The following SOBP variants were observed in gnomAD, a reference collection of about 807,000 sequenced individuals.
The protein encoded by SOBP is sine oculis binding protein homolog, also known as sine oculis-binding protein homolog.
A neutral mutation model predicts 53.6 loss-of-function variants in SOBP; 4 were observed. That is an observed-to-expected ratio of 0.07 (90% CI 0.04 to 0.17). The LOEUF is 0.17. SOBP is among the 10% of genes least tolerant of loss of function. SOBP has a pLI of 1.00. For missense variants in SOBP, 1,088 were observed against 1,204.7 expected (o/e 0.90, Z 1.43); for synonymous variants, 584 against 522.6 (o/e 1.12, Z -1.60).
At chr6:107,647,340 G>A (rs1181716520) in intron 6 of SOBP, among the ~76,000 whole-genome samples, 1 of 152,116 alleles carries the variant, frequency 6.6e-6, no homozygotes. Context: ...GCTGAGATAC[G>A]ACTGGCAGCC....
intron 3 of SOBP, among the ~76,000 whole-genome samples, chr6:107,531,734 TAAAG>T (rs1336922571): frequency 2.6e-5 from 4 of 152,248 alleles, no homozygotes; most frequent in Admixed American, 2.6e-4. Context: ...TTATACCATT[TAAAG>T]AAAGTTATCA....
In SOBP at chr6:107,634,280, C is replaced by T. The variant is rs754845955; in HGVS notation, c.1436C>T (p.Pro479Leu). 12 of 1,557,618 alleles carry T rather than the reference C, an allele frequency of 7.7e-6. No homozygotes were observed. The South Asian group carries it at 1.4e-4, about 18-fold the overall frequency. Residue 479 changes from proline to leucine, a missense_variant, in exon 6 of 7, where the codon CCG (proline) becomes CTG (leucine). By Grantham distance (98) the Pro-to-Leu change is moderately conservative. This residue lies in a region of SOBP where 665 missense variants were observed against 629.7 expected (regional missense o/e 1.06). Transcript: ENST00000317357. The surrounding 1 kb of genome is among the most constrained non-coding windows in gnomAD (Gnocchi z 4.5). ...AACCCCCCAGGCCTGCTGCCCCCGC[C>T]GCCTCCGGGCGCCCCGCTGCCGAGT... ...PGNPPGLLPPPPPGAPLPSLP... is the reference protein window; with the variant it reads ...PGNPPGLLPPLPPGAPLPSLP...
chr6:107,512,733 T>A (rs991907170), intron 3 of SOBP, among the ~76,000 whole-genome samples: 13 of 146,608 alleles, frequency 8.9e-5, no homozygotes, highest in Middle Eastern at 3.5e-3. Flanking sequence ...GCTCCCAAAA[T>A]TTTTTTTTTA....
In SOBP at chr6:107,490,580, C is replaced by T. The variant is rs1306796295; in HGVS notation, c.-37C>T. 1 of 1,517,406 alleles carries T rather than the reference C, an allele frequency of 6.6e-7. No individual in the cohort carries two copies. The highest frequency in any genetic ancestry group is 1.2e-5 in the South Asian group (1 of 85,230). 94.0% of individuals were successfully genotyped at this position (1,517,406 alleles called of 1,614,324 possible). ...CCACCACCACCGCCGGCGGCGGCAGCAGCCATTTCATCTCCACAGAAACCA... is the reference window on the plus strand; with the variant it reads ...CCACCACCACCGCCGGCGGCGGCAGTAGCCATTTCATCTCCACAGAAACCA... On this transcript the variant is annotated 5_prime_UTR_variant, in exon 1 of 7. Transcript: ENST00000317357.
At chr6:107,521,572 T>C (rs1344283927) in intron 3 of SOBP, among the ~76,000 whole-genome samples, 2 of 152,186 alleles carry the variant, frequency 1.3e-5, no homozygotes, top group African/African-American at 4.8e-5. Context: ...CCTAAGCCCA[T>C]CTAAGGAATC....
At chr6:107,497,890 A>G (rs111597047) in intron 1 of SOBP, among the ~76,000 whole-genome samples, 2 of 152,332 alleles carry the variant, frequency 1.3e-5, no homozygotes, top group African/African-American at 4.8e-5. Flanking sequence ...GTCAAAGGGT[A>G]TGTACAATTT....
At chr6:107,597,608 G>A (rs1307290674) in intron 5 of SOBP, among the ~76,000 whole-genome samples, 1 of 152,066 alleles carries the variant, frequency 6.6e-6, no homozygotes, top group East Asian at 1.9e-4. Context: ...CTAATTTAAT[G>A]TTTATATATG....
chr6:107,619,310 A>G lies in SOBP; in HGVS notation c.670-14204A>G, dbSNP rs140105938. Among the ~76,000 whole-genome samples the G allele has an allele frequency of 3.9e-5, 6 of 152,340 alleles. No individual in the cohort carries two copies. The East Asian group carries it at 7.7e-4, about 20-fold the overall frequency. Reference sequence around the variant, plus strand: ...GTAGCATTTTTCAAAGTGTTTTCCTATAGAAGCCTACTTTAAAAATAAAAG... The same window carrying G: ...GTAGCATTTTTCAAAGTGTTTTCCTGTAGAAGCCTACTTTAAAAATAAAAG... On this transcript the variant is annotated intron_variant, in intron 5 of 6. Transcript: ENST00000317357.
chr6:107,573,373 AAAAG>A (rs951079318), intron 4 of SOBP, among the ~76,000 whole-genome samples: 3 of 152,000 alleles, frequency 2.0e-5, no homozygotes, highest in Non-Finnish European at 4.4e-5. Context: ...TTTTCTCCAG[AAAAG>A]AAAGCAGATT....
chr6:107,628,090 G>A (rs1284419198), intron 5 of SOBP, among the ~76,000 whole-genome samples: 2 of 152,196 alleles, frequency 1.3e-5, no homozygotes, highest in Non-Finnish European at 2.9e-5. Flanking sequence ...AATACAATAT[G>A]CATGGCACAG....
intron 3 of SOBP, among the ~76,000 whole-genome samples, chr6:107,519,623 G>A (rs1245946887): frequency 6.6e-6 from 1 of 152,210 alleles, no homozygotes; most frequent in Non-Finnish European, 1.5e-5. Flanking sequence ...TTGCAAACCA[G>A]CAGTGTAGGG....
At chr6:107,542,350 A>G (rs1784173137) in intron 4 of SOBP, among the ~76,000 whole-genome samples, 1 of 152,158 alleles carries the variant, frequency 6.6e-6, no homozygotes, top group African/African-American at 2.4e-5. Context: ...TCAGGCAGGA[A>G]CAGTCTTGGC....
intron 4 of SOBP, among the ~76,000 whole-genome samples, chr6:107,570,603 G>A (rs180940294): frequency 3.3e-5 from 5 of 152,282 alleles, no homozygotes; most frequent in East Asian, 1.9e-4. Context: ...TAACAAGTAC[G>A]AGCCCCGCTT....
chr6:107,581,089 C>T (rs183982492), intron 4 of SOBP, among the ~76,000 whole-genome samples: 30 of 152,318 alleles, frequency 2.0e-4, no homozygotes, highest in Admixed American at 5.2e-4. Flanking sequence ...ACATTTGAAG[C>T]TGGTCAGAAC....
intron 3 of SOBP, among the ~76,000 whole-genome samples, chr6:107,532,157 T>G (rs191186081): frequency 2.6e-5 from 4 of 151,938 alleles, no homozygotes; most frequent in African/African-American, 9.7e-5. Context: ...ATGATTACCA[T>G]TCATGTCTGG....
chr6:107,604,425 A>G (rs992144743), intron 5 of SOBP, among the ~76,000 whole-genome samples: 1 of 152,186 alleles, frequency 6.6e-6, no homozygotes, highest in African/African-American at 2.4e-5. Context: ...TGCTGTGGTT[A>G]TTGTCTTGTG....
chr6:107,509,469 A>G (rs897201882), intron 3 of SOBP, among the ~76,000 whole-genome samples: 1 of 151,936 alleles, frequency 6.6e-6, no homozygotes, highest in Non-Finnish European at 1.5e-5. Context: ...TCACAAAACC[A>G]GACCTTTTTT....
In SOBP at chr6:107,491,492, G is replaced by C. The variant is rs976465425; in HGVS notation, c.96+780G>C. ...CCGCCAGGCCAGCGGTGCACCAGAG[G>C]TGGAGAGCGCAGCAGCCTGGCGCTC... is the stretch of plus-strand genomic sequence containing the variant. On this transcript the variant is annotated intron_variant, in intron 1 of 6. Coordinates refer to ENST00000317357, the MANE Select transcript of SOBP (RefSeq NM_018013.4). Among the ~76,000 whole-genome samples, 8 of 152,394 alleles carry C rather than the reference G, an allele frequency of 5.2e-5. No homozygotes were observed. The East Asian group carries it at 1.5e-3, about 29-fold the overall frequency.
intron 6 of SOBP, among the ~76,000 whole-genome samples, chr6:107,655,681 T>C (rs750709814): frequency 1.3e-5 from 2 of 152,134 alleles, no homozygotes; most frequent in Non-Finnish European, 2.9e-5. Context: ...AGAATAATAA[T>C]GATTATTATA....
Sources: allele counts gnomAD v4.1 joint callset (sites outside exome capture counted in the v4.1 genomes callset), GRCh38; gene constraint gnomAD v4.1.1; regional missense constraint gnomAD v4.1.1; non-coding constraint Gnocchi (gnomAD v3.1); transcripts MANE v1.5; gene names NCBI Gene and HGNC (gene_info 2026-07-23, HGNC 2026-07-21).